Variants in PARP4 observed in about 807,000 individuals in gnomAD.
PARP4 encodes the protein protein mono-ADP-ribosyltransferase PARP4.
A neutral mutation model predicts 187.7 loss-of-function variants in PARP4; 120 were observed. That is an observed-to-expected ratio of 0.64 (90% CI 0.55 to 0.74). The LOEUF is 0.74. PARP4 is among the 30% of genes least tolerant of loss of function. PARP4 has a pLI of 0.00. For synonymous variants in PARP4, 654 were observed against 740.9 expected, an observed-to-expected ratio of 0.88 and a Z score of 1.90; for missense variants, 1,836 against 2,070.5, an observed-to-expected ratio of 0.89 and a Z score of 2.20.
At chr13:24,491,533 A>T (rs1265368531) in intron 9 of PARP4, among the ~76,000 whole-genome samples, 1 of 152,178 alleles carries the variant, frequency 6.6e-6, no homozygotes, top group Non-Finnish European at 1.5e-5. Flanking sequence ...TTCCTCTGGG[A>T]ATCTGTTGAA....
intron 10 of PARP4, among the ~76,000 whole-genome samples, chr13:24,487,397 A>G (rs1255315875): frequency 6.6e-6 from 1 of 152,246 alleles, no homozygotes; most frequent in Non-Finnish European, 1.5e-5. Context: ...GTCTATTTTA[A>G]GACCTCACTG....
chr13:24,455,346 C>T, intron 21 of PARP4, 134 bp from the exon 22 acceptor site: 4 of 526,838 alleles, frequency 7.6e-6, no homozygotes, highest in Non-Finnish European at 1.3e-5. Flanking sequence ...ATGTAATTAA[C>T]AACAAGATGG....
intron 1 of PARP4, among the ~76,000 whole-genome samples, chr13:24,507,069 CCGGGGCCGG>C (rs111543228): frequency 0.011 from 1,620 of 152,322 alleles, 26 homozygotes; most frequent in African/African-American, 0.036. Context: ...CCCTCACTGT[CCGGGGCCGG>C]CGGGGCCAGC....
chr13:24,479,221 G>A (rs993003142), intron 12 of PARP4, among the ~76,000 whole-genome samples: 21 of 152,204 alleles, frequency 1.4e-4, no homozygotes, highest in African/African-American at 4.6e-4. Flanking sequence ...TCAAAATGCC[G>A]AAGTATGGCC....
At chr13:24,463,522 A>C (rs1437489095) in intron 17 of PARP4, among the ~76,000 whole-genome samples, 1 of 152,250 alleles carries the variant, frequency 6.6e-6, no homozygotes, top group Non-Finnish European at 1.5e-5. Flanking sequence ...TGATCATCAC[A>C]TAAACAGAAC....
At chr13:24,460,995 T>C (rs1296177108) in intron 17 of PARP4, among the ~76,000 whole-genome samples, 1 of 152,180 alleles carries the variant, frequency 6.6e-6, no homozygotes, top group African/African-American at 2.4e-5. Context: ...CTAAAAAGTC[T>C]TTAGCTTTCT....
chr13:24,494,289 G>A (rs1868821283), intron 7 of PARP4, among the ~76,000 whole-genome samples: 1 of 152,158 alleles, frequency 6.6e-6, no homozygotes, highest in African/African-American at 2.4e-5. Flanking sequence ...TCGAACTGCT[G>A]AATTCAAGTG....
At chr13:24,444,457 G>A (rs1388597779) in intron 27 of PARP4, among the ~76,000 whole-genome samples, 1 of 152,138 alleles carries the variant, frequency 6.6e-6, no homozygotes, top group Non-Finnish European at 1.5e-5. Flanking sequence ...CAATGATACC[G>A]ATTTAGTGCT....
Position 24,459,092 on chromosome 13 carries a change from C to T in PARP4, c.2376G>A (p.Pro792=), listed in dbSNP as rs201551574. ...SFSLTMSIEM[P]YVIEFIFSDT... is the part of the protein sequence containing the mutation. ...CACTGAAAATGAATTCAATCACATA[C>T]GGCATCTCAATAGACATAGTCAAAG... The change falls in exon 20 of 34, where the codon CCG becomes CCA. Residue 792 remains proline, a synonymous_variant. Transcript: ENST00000381989. The T allele has an allele frequency of 5.6e-5, 90 of 1,610,188 alleles. No homozygotes were observed. The highest frequency in any genetic ancestry group is 1.2e-4 in the African/African-American group (9 of 74,882).
rs780527103 is a variant in PARP4 at position 24,435,429 on chromosome 13, G to C, written c.3712C>G (p.Arg1238Gly). ...GAAAATGGAATTTTCCTATGTTTTC[G>C]TTTGGATAAACGTAATTCTGGCCAC... ...SEWPELRLSK[R>G]KHRKIPFSKR... is the part of the protein sequence containing the mutation. The change falls in exon 31 of 34, where the codon CGA (arginine) becomes GGA (glycine). Residue 1238 changes from arginine to glycine, a missense_variant. Arg to Gly is a moderately radical substitution (Grantham distance 125). Coordinates refer to ENST00000381989, the MANE Select transcript of PARP4 (RefSeq NM_006437.4). 2 of 1,609,870 alleles carry C rather than the reference G, an allele frequency of 1.2e-6. No homozygotes were observed. The highest frequency in any genetic ancestry group is 3.4e-5 in the Admixed American group (2 of 59,578).
chr13:24,450,731 TAGAA>T (rs1413549106), intron 24 of PARP4, among the ~76,000 whole-genome samples: 2 of 152,056 alleles, frequency 1.3e-5, no homozygotes, highest in African/African-American at 4.8e-5. Context: ...GAGAAACACT[TAGAA>T]AGATCCCAAA....
intron 29 of PARP4, among the ~76,000 whole-genome samples, 186 bp from the exon 30 acceptor site, chr13:24,442,154 G>A (rs1163382244): frequency 1.3e-5 from 2 of 150,840 alleles, no homozygotes; most frequent in African/African-American, 4.9e-5. Context: ...ACGGAGCACT[G>A]GCAGGTGCTG....
rs373054504 is a variant in PARP4, at chr13:24,503,657, C to T, written c.120G>A (p.Ser40=). 51 of 1,612,558 alleles carry T rather than the reference C, an allele frequency of 3.2e-5. No homozygotes were observed. The African/African-American group carries it at 3.2e-4, about 10-fold the overall frequency. ...IKENGGKFSF[S]LNPQCTHIIL... ...CACTTGGAAATACCTGAGGATTTAA[C>T]GAAAAGGAAAACTTTCCGCCATTTT... The change falls in exon 2 of 34, where the codon TCG becomes TCA. Residue 40 remains serine (S), a synonymous_variant. Transcript: ENST00000381989.
Position 24,460,483 on chromosome 13 carries a change from C to T in PARP4, c.2134-347G>A, listed in dbSNP as rs76869046. ...GGGTGGGCTCTGCTGCACGGGTGGG[C>T]TCTGCTGCATGGGTGGGCTCTGCTG... On this transcript the variant is annotated intron_variant, in intron 17 of 33. Coordinates refer to ENST00000381989, the MANE Select transcript of PARP4 (RefSeq NM_006437.4). Among the ~76,000 whole-genome samples the T allele has an allele frequency of 3.4e-4, 41 of 119,562 alleles. 1 individual carries two copies. In the South Asian group the frequency reaches 4.3e-3, roughly 13 times the overall value. The allele number at this position is 119,562 out of a possible 152,430, so 78.4% of individuals were successfully genotyped here.
rs1045211856 is a variant in PARP4, at chr13:24,451,598, T to C, written c.3014+808A>G. Among the ~76,000 whole-genome samples the C allele has an allele frequency of 1.3e-4, 20 of 152,130 alleles. 1 individual carries two copies. The highest frequency in any genetic ancestry group is 4.6e-4 in the African/African-American group (19 of 41,492). ...GGCAAGGACAGCAAAGAGGCCCCCA[T>C]TCTGCCCCATGAAGAAGCTGAGGAT... On this transcript the variant is annotated intron_variant, in intron 24 of 33. Coordinates refer to ENST00000381989, the MANE Select transcript of PARP4 (RefSeq NM_006437.4).
chr13:24,455,268 G>A, intron 21 of PARP4, 56 bp from the exon 22 acceptor site: 2 of 1,344,054 alleles, frequency 1.5e-6, no homozygotes, highest in Admixed American at 2.2e-5. Context: ...AACTGCAAAA[G>A]GTCTACTTAG....
At chr13:24,495,533 C>T (rs1283054679) in intron 6 of PARP4, among the ~76,000 whole-genome samples, 1 of 152,230 alleles carries the variant, frequency 6.6e-6, no homozygotes, top group Non-Finnish European at 1.5e-5. Flanking sequence ...TCATCCCAAA[C>T]TGCCTGTGGA....
chr13:24,483,811 G>A (rs565744330), intron 12 of PARP4, among the ~76,000 whole-genome samples: 1 of 152,278 alleles, frequency 6.6e-6, no homozygotes. Flanking sequence ...ATTTTTATTA[G>A]AGATGGGGTT....
chr13:24,493,179 G>A lies in PARP4; in HGVS notation c.879+417C>T, dbSNP rs3783074. Among the ~76,000 whole-genome samples the A allele has an allele frequency of 2.6e-5, 4 of 152,178 alleles. No individual in the cohort carries two copies. The East Asian group carries it at 7.7e-4, about 29-fold the overall frequency. On this transcript the variant is annotated intron_variant, in intron 8 of 33. Transcript: ENST00000381989. The stretch of plus-strand genomic sequence containing the variant: ...AATCAAGAAGGGAAGAACATTTTCT[G>A]GTGGTCTGGAGGCATGCCTGCCTTT...
Sources: gnomAD v4.1 joint callset for allele counts (sites outside exome capture counted in the v4.1 genomes callset) on GRCh38, gnomAD v4.1.1 for gene constraint, MANE v1.5 for transcripts, NCBI Gene and HGNC (gene_info 2026-07-23, HGNC 2026-07-21) for gene names.